Variants in LRRC8B observed in about 807,000 individuals in gnomAD.
The protein encoded by LRRC8B is volume-regulated anion channel subunit LRRC8B.
In LRRC8B, 23 loss-of-function variants were observed where a neutral mutation model predicts 58.8. That is an observed-to-expected ratio of 0.39 (90% CI 0.28 to 0.55). LRRC8B has a LOEUF of 0.55. Ranked by LOEUF, LRRC8B falls within the 20% of genes least tolerant of loss-of-function variation. The probability of loss-of-function intolerance (pLI) is 0.62; values close to 1 mark genes in which losing one functional copy is unlikely to be tolerated. For synonymous variants in LRRC8B, 359 were observed against 374.1 expected, an observed-to-expected ratio of 0.96 and a Z score of 0.47; for missense variants, 694 against 936.0, an observed-to-expected ratio of 0.74 and a Z score of 3.37.
rs1655335695 is a variant in LRRC8B, at chr1:89,596,996, A to G, written c.*3953A>G. On this transcript the variant is annotated 3_prime_UTR_variant, in exon 6 of 6. Coordinates refer to ENST00000330947, the MANE Select transcript of LRRC8B (RefSeq NM_001369817.2). ...GAGGGAAGGAGTTATTTTGCATCCT[A>G]GTTTGTATTATGAAGTCATCATATA... is the stretch of plus-strand genomic sequence containing the variant. The G allele has an allele frequency of 6.6e-6, 1 of 152,182 alleles. No homozygotes were observed. Among genetic ancestry groups the G allele is most frequent in the Non-Finnish European group, 1.5e-5 (1 of 68,012 alleles). 9.4% of individuals were successfully genotyped at this position (152,182 alleles called of 1,614,324 possible).
chr1:89,597,626 A>T lies in LRRC8B; in HGVS notation c.*4583A>T, dbSNP rs1329085647. On this transcript the variant is annotated 3_prime_UTR_variant, in exon 6 of 6. Coordinates refer to ENST00000330947, the MANE Select transcript of LRRC8B (RefSeq NM_001369817.2). ...AGCTAGCATTTGTTAACCTTCACAT[A>T]TTTATCTGTGTACAATTGTTTTTGC... 1 of 152,174 alleles carries T rather than the reference A, an allele frequency of 6.6e-6. No homozygotes were observed. Among genetic ancestry groups the T allele is most frequent in the Admixed American group, 6.5e-5 (1 of 15,282 alleles). 9.4% of individuals were successfully genotyped at this position (152,174 alleles called of 1,614,324 possible). A position where few individuals can be genotyped will look rare whatever the true frequency, so the allele number is the denominator to read the frequency against.
chr1:89,554,153 AG>A lies in LRRC8B; in HGVS notation c.-240-14093del, dbSNP rs1217878851. Among the ~76,000 whole-genome samples, 9 of 152,150 alleles carry A rather than the reference AG, an allele frequency of 5.9e-5. No individual in the cohort carries two copies. In the East Asian group the frequency reaches 1.7e-3, roughly 29 times the overall value. On this transcript the variant is annotated intron_variant, in intron 1 of 5. Coordinates refer to ENST00000330947, the MANE Select transcript of LRRC8B (RefSeq NM_001369817.2). ...TGATCCTAATCACCTTTCTACTCTT[AG>A]CCCCATCATTTCTGTCTCATAAATT...
In LRRC8B at chr1:89,582,701, T is replaced by C. The variant is rs1392006759; in HGVS notation, c.51T>C (p.Tyr17=). ...GCTTAGCAGATGCCCAGTCATCTTA[T>C]CACATCTTAAAACCATGGTGGGACG... The part of the protein sequence containing the change: ...LKCLADAQSS[Y]HILKPWWDVF... Residue 17 remains tyrosine, a synonymous_variant, in exon 5 of 6, where the codon TAT becomes TAC. Coordinates refer to ENST00000330947, the MANE Select transcript of LRRC8B (RefSeq NM_001369817.2). The C allele has an allele frequency of 6.2e-7, 1 of 1,614,208 alleles. No individual in the cohort carries two copies. The highest frequency in any genetic ancestry group is 8.5e-7 in the Non-Finnish European group (1 of 1,180,022).
chr1:89,565,924 G>T (rs765244041), intron 1 of LRRC8B, among the ~76,000 whole-genome samples: 1 of 152,124 alleles, frequency 6.6e-6, no homozygotes, highest in Non-Finnish European at 1.5e-5. Context: ...CTCTGGGTCC[G>T]CCTTTTGCCA....
intron 1 of LRRC8B, among the ~76,000 whole-genome samples, chr1:89,555,117 T>G (rs1652088521): frequency 6.6e-6 from 1 of 152,224 alleles, no homozygotes; most frequent in African/African-American, 2.4e-5. Flanking sequence ...TGCTGAGTTA[T>G]GAAGCCCGAA....
intron 1 of LRRC8B, among the ~76,000 whole-genome samples, chr1:89,533,265 C>A (rs1280983454): frequency 6.6e-6 from 1 of 152,168 alleles, no homozygotes; most frequent in Non-Finnish European, 1.5e-5. Context: ...GTCCAAACAC[C>A]ATGGTGTGGC....
At chr1:89,543,847 G>A (rs1651206339) in intron 1 of LRRC8B, among the ~76,000 whole-genome samples, 1 of 151,218 alleles carries the variant, frequency 6.6e-6, no homozygotes, top group Non-Finnish European at 1.5e-5. Flanking sequence ...GAGTCCAGTG[G>A]CACTGTCATG....
intron 1 of LRRC8B, among the ~76,000 whole-genome samples, chr1:89,532,626 C>A (rs1650225155): frequency 6.6e-6 from 1 of 152,174 alleles, no homozygotes; most frequent in Non-Finnish European, 1.5e-5. Context: ...TGCCTTCCAT[C>A]ATGATTGTAA....
Position 89,583,500 on chromosome 1 carries a change from A to G in LRRC8B, c.850A>G (p.Thr284Ala). 1 of 1,613,550 alleles carries G rather than the reference A, an allele frequency of 6.2e-7. No individual in the cohort carries two copies. The highest frequency in any genetic ancestry group is 8.5e-7 in the Non-Finnish European group (1 of 1,179,982). The stretch of plus-strand genomic sequence containing the variant: ...TGTTCCATATTTTTTAACCCACATC[A>G]CTCTTGAAATCGACTGTTCAGTTGA... ...TYVPYFLTHI[T>A]LEIDCSVDVQ... The change falls in exon 5 of 6, where the codon ACT becomes GCT. Residue 284 changes from threonine to alanine, a missense_variant. Thr to Ala is a moderately conservative substitution (Grantham distance 58). This residue lies in a region of LRRC8B where 316 missense variants were observed against 403.8 expected (regional missense o/e 0.78). Coordinates refer to ENST00000330947, the MANE Select transcript of LRRC8B (RefSeq NM_001369817.2). The surrounding 1 kb of genome is among the most constrained non-coding windows in gnomAD (Gnocchi z 5.2).
chr1:89,543,796 A>T (rs1651200346), intron 1 of LRRC8B, among the ~76,000 whole-genome samples: 1 of 144,882 alleles, frequency 6.9e-6, no homozygotes, highest in African/African-American at 2.6e-5. Flanking sequence ...ATCCCTGGCC[A>T]TTTTTTTTTG....
intron 1 of LRRC8B, among the ~76,000 whole-genome samples, chr1:89,535,247 C>T (rs931906527): frequency 6.6e-5 from 10 of 152,132 alleles, no homozygotes; most frequent in Admixed American, 2.0e-4. Flanking sequence ...GCTTGAAGAT[C>T]ACTGGTTTGG....
intron 4 of LRRC8B, among the ~76,000 whole-genome samples, chr1:89,580,231 C>T (rs568152494): frequency 2.0e-5 from 3 of 152,190 alleles, no homozygotes; most frequent in South Asian, 2.1e-4. Flanking sequence ...CTGTAGGAAA[C>T]GGTTTAGAAA....
intron 1 of LRRC8B, among the ~76,000 whole-genome samples, chr1:89,530,458 GTTTA>G (rs1354496773): frequency 2.6e-5 from 4 of 152,012 alleles, no homozygotes; most frequent in African/African-American, 9.7e-5. Flanking sequence ...TTCTTTTACA[GTTTA>G]TTTGGGCTAT....
chr1:89,525,211 G>A (rs1451731685), intron 1 of LRRC8B, among the ~76,000 whole-genome samples, 189 bp downstream of exon 1: 1 of 152,238 alleles, frequency 6.6e-6, no homozygotes, highest in Non-Finnish European at 1.5e-5. Flanking sequence ...TGGCCGCTTC[G>A]TTGTGCTCCC....
At chr1:89,554,743 CA>C (rs1354718225) in intron 1 of LRRC8B, among the ~76,000 whole-genome samples, 4 of 152,144 alleles carry the variant, frequency 2.6e-5, no homozygotes, top group African/African-American at 9.7e-5. Context: ...ACAATAAAAA[CA>C]GATGGTATTG....
At chr1:89,575,891 A>C (rs1653810465) in intron 3 of LRRC8B, among the ~76,000 whole-genome samples, 2 of 152,156 alleles carry the variant, frequency 1.3e-5, no homozygotes, top group Non-Finnish European at 2.9e-5. Context: ...TTCTTTTTAA[A>C]CATATTGTAA....
At chr1:89,546,409 C>T (rs924924212) in intron 1 of LRRC8B, among the ~76,000 whole-genome samples, 4 of 152,120 alleles carry the variant, frequency 2.6e-5, no homozygotes, top group Admixed American at 1.3e-4. Flanking sequence ...CTGGAAGGCA[C>T]ATTTAAAGAG....
chr1:89,557,061 A>G (rs1207969690), intron 1 of LRRC8B, among the ~76,000 whole-genome samples: 2 of 152,232 alleles, frequency 1.3e-5, no homozygotes, highest in Non-Finnish European at 2.9e-5. Flanking sequence ...CAGTTGACAG[A>G]CATTAAGGGA....
At chr1:89,547,778 A>T (rs569089443) in intron 1 of LRRC8B, among the ~76,000 whole-genome samples, 98 of 152,282 alleles carry the variant, frequency 6.4e-4, no homozygotes, top group African/African-American at 2.3e-3. Context: ...CTTCCCAAGG[A>T]CAGCAAAAAG....
Sources: allele counts gnomAD v4.1 joint callset (sites outside exome capture counted in the v4.1 genomes callset), GRCh38; gene constraint gnomAD v4.1.1; regional missense constraint gnomAD v4.1.1; non-coding constraint Gnocchi (gnomAD v3.1); transcripts MANE v1.5; gene names NCBI Gene and HGNC (gene_info 2026-07-23, HGNC 2026-07-21).